SPATA6L: variants seen among roughly 807,000 people sequenced by gnomAD.
SPATA6L encodes the protein spermatogenesis associated 6-like protein.
A neutral mutation model predicts 49.2 loss-of-function variants in SPATA6L; 68 were observed. The observed-to-expected ratio is 1.38, with a 90% CI of 1.14 to 1.69. The LOEUF is 1.69. Ranked by LOEUF, SPATA6L falls within the 40% of genes most tolerant of loss-of-function variation. The pLI is 0.00. For missense variants in SPATA6L, 668 were observed against 464.3 expected, an observed-to-expected ratio of 1.44 and a Z score of -4.03; for synonymous variants, 198 against 165.7, an observed-to-expected ratio of 1.19 and a Z score of -1.50.
chr9:4,650,051 G>C (rs774287051), intron 3 of SPATA6L, among the ~76,000 whole-genome samples: 1 of 152,158 alleles, frequency 6.6e-6, no homozygotes, highest in South Asian at 2.1e-4. Flanking sequence ...AAATGCCAAA[G>C]CCATCATTTT....
intron 3 of SPATA6L, chr9:4,646,492 G>T (rs759178333): frequency 1.3e-6 from 2 of 1,515,136 alleles, no homozygotes; most frequent in South Asian, 2.6e-5. Flanking sequence ...ATTACCTGGA[G>T]GAACTAGCTG....
At chr9:4,656,529 C>T (rs1281008058) in intron 2 of SPATA6L, among the ~76,000 whole-genome samples, 1 of 151,992 alleles carries the variant, frequency 6.6e-6, no homozygotes, top group East Asian at 1.9e-4. Context: ...TTATATTCTT[C>T]CAAGTAATTA....
rs944503846 is a variant in SPATA6L at position 4,662,205 on chromosome 9, A to G, written c.40-169T>C. The G allele has an allele frequency of 7.0e-7, 1 of 1,435,746 alleles. No homozygotes were observed. Among genetic ancestry groups the G allele is most frequent in the African/African-American group, 1.4e-5 (1 of 69,608 alleles). 88.9% of individuals were successfully genotyped at this position (1,435,746 alleles called of 1,614,324 possible). ...CAACATCCTCCCCTCTGCTCTCCTC[A>G]CATTGGAAATTCCAACTCCCTCCCA... On this transcript the variant is annotated intron_variant, in intron 1 of 11. Transcript: ENST00000682582. This position sits in a 1 kb window ranked among gnomAD's most constrained non-coding sequence, Gnocchi z 4.9.
At chr9:4,631,172 T>G (rs905547147) in intron 4 of SPATA6L, among the ~76,000 whole-genome samples, 1 of 152,234 alleles carries the variant, frequency 6.6e-6, no homozygotes, top group African/African-American at 2.4e-5. Flanking sequence ...GTGCTGTTTT[T>G]AGCATAACAT....
chr9:4,628,450 C>T (rs4742024), intron 5 of SPATA6L: 20,831 of 151,634 alleles, frequency 0.14, 2,827 homozygotes, highest in African/African-American at 0.34. Flanking sequence ...ATTTATTTAT[C>T]ATTATTTTTT....
intron 11 of SPATA6L, among the ~76,000 whole-genome samples, chr9:4,601,115 T>G (rs1469380836): frequency 6.6e-6 from 1 of 152,208 alleles, no homozygotes; most frequent in Non-Finnish European, 1.5e-5. Context: ...CCAAAATAGG[T>G]GTTATTCAGT....
At chr9:4,635,865 C>T (rs1281727307) in intron 3 of SPATA6L, among the ~76,000 whole-genome samples, 1 of 152,140 alleles carries the variant, frequency 6.6e-6, no homozygotes, top group Non-Finnish European at 1.5e-5. Flanking sequence ...GCAGGGGTAC[C>T]AACCCCGAGG....
chr9:4,630,495 A>T (rs77635737), intron 4 of SPATA6L, among the ~76,000 whole-genome samples: 2,937 of 152,248 alleles, frequency 0.019, 47 homozygotes, highest in Middle Eastern at 0.051. Context: ...TCTCCCCCAG[A>T]GAACACCACC....
intron 9 of SPATA6L, among the ~76,000 whole-genome samples, chr9:4,617,245 A>T (rs1828229035): frequency 6.6e-6 from 1 of 152,206 alleles, no homozygotes. Context: ...CTTATCCTTC[A>T]TTCAGAACAA....
At chr9:4,596,177 G>A (rs537770576), downstream of SPATA6L, among the ~76,000 whole-genome samples, 2 of 152,274 alleles carry the variant, frequency 1.3e-5, no homozygotes, top group East Asian at 1.9e-4. Flanking sequence ...AAGAGGGCAC[G>A]GGTTGAATTT....
chr9:4,645,535 T>C (rs1414222044), intron 3 of SPATA6L, among the ~76,000 whole-genome samples: 7 of 152,122 alleles, frequency 4.6e-5, no homozygotes, highest in Non-Finnish European at 1.0e-4. Flanking sequence ...CTCATCCTCC[T>C]CTTATAAAGC....
At chr9:4,637,073 C>T (rs4742033) in intron 3 of SPATA6L, among the ~76,000 whole-genome samples, 34,506 of 152,080 alleles carry the variant, frequency 0.23, 5,899 homozygotes, top group African/African-American at 0.45. Context: ...TCTAAGCACC[C>T]TACCCTAGAT....
Position 4,617,943 on chromosome 9 carries a change from A to C in SPATA6L, c.975T>G (p.Asp325Glu), listed in dbSNP as rs1213551815. ...YQHSTSPGPL[D>E]QPLLRERFHP... Reference sequence around the variant, plus strand: ...CTGACCTTTCTCTGAGAAGGGGCTGATCCAAGGGGCCAGGAGAGGTGGAAT... The same window carrying C: ...CTGACCTTTCTCTGAGAAGGGGCTGCTCCAAGGGGCCAGGAGAGGTGGAAT... Residue 325 changes from aspartate to glutamate, a missense_variant, in exon 9 of 12, where the codon GAT becomes GAG. By Grantham distance (45) the Asp-to-Glu change is conservative. Coordinates refer to ENST00000682582, the MANE Select transcript of SPATA6L (RefSeq NM_001353486.2). 1 of 1,613,060 alleles carries C rather than the reference A, an allele frequency of 6.2e-7. No individual in the cohort carries two copies.
At chr9:4,594,999 G>T (rs989209384), downstream of SPATA6L, among the ~76,000 whole-genome samples, 24 of 152,104 alleles carry the variant, frequency 1.6e-4, no homozygotes, top group Non-Finnish European at 3.1e-4. Flanking sequence ...AAAAAGAAAA[G>T]TCCCTAAAGG....
chr9:4,613,430 T>G (rs1587048307), intron 9 of SPATA6L, among the ~76,000 whole-genome samples: 1 of 151,948 alleles, frequency 6.6e-6, no homozygotes, highest in African/African-American at 2.4e-5. Flanking sequence ...GTGACAAGCA[T>G]GTCCCACTGG....
At chr9:4,619,724 T>A (rs1025388266) in intron 7 of SPATA6L, among the ~76,000 whole-genome samples, 18 of 152,066 alleles carry the variant, frequency 1.2e-4, no homozygotes, top group African/African-American at 4.3e-4. Flanking sequence ...ACAACAAATA[T>A]GTAAAAGCTT....
In SPATA6L at chr9:4,662,692, T is replaced by G. The variant is rs942885903; in HGVS notation, c.40-656A>C. The G allele has an allele frequency of 4.9e-5, 78 of 1,601,058 alleles. No homozygotes were observed. The highest frequency in any genetic ancestry group is 6.4e-5 in the Non-Finnish European group (76 of 1,179,896). On this transcript the variant is annotated intron_variant, in intron 1 of 11. Transcript: ENST00000682582. The surrounding 1 kb of genome is among the most constrained non-coding windows in gnomAD (Gnocchi z 4.9). ...TTCCTGGGCATCGCCCTGCGCTCCC[T>G]GCTGGCCATCGACCTGTGGCTGTCC...
chr9:4,649,343 C>T (rs966644753), intron 3 of SPATA6L, among the ~76,000 whole-genome samples: 21 of 152,304 alleles, frequency 1.4e-4, no homozygotes, highest in African/African-American at 3.6e-4. Flanking sequence ...ACATTCCCAT[C>T]GGCAGTGTAG....
intron 9 of SPATA6L, among the ~76,000 whole-genome samples, chr9:4,612,954 G>A (rs548239026): frequency 3.0e-4 from 46 of 152,168 alleles, no homozygotes; most frequent in African/African-American, 9.6e-4. Context: ...GGGGCCAGGC[G>A]CAGTGGCTCA....
Sources: gnomAD v4.1 joint callset for allele counts (sites outside exome capture counted in the v4.1 genomes callset) on GRCh38, gnomAD v4.1.1 for gene constraint, Gnocchi (gnomAD v3.1) non-coding constraint, MANE v1.5 for transcripts, NCBI Gene and HGNC (gene_info 2026-07-23, HGNC 2026-07-21) for gene names.